DAPK2: variants seen among roughly 807,000 people sequenced by gnomAD.
DAPK2 encodes the protein death associated protein kinase 2.
Under a neutral mutation model 44.1 loss-of-function variants are expected in DAPK2, and 35 were observed. The ratio of observed to expected loss-of-function variants is 0.79; its 90% CI spans 0.61 to 1.05. The LOEUF (loss-of-function observed/expected upper bound fraction) is 1.05. DAPK2 is among the 50% of genes least tolerant of loss of function. DAPK2 has a pLI of 0.00. For synonymous variants in DAPK2, 174 were observed against 182.6 expected (o/e 0.95, Z 0.38); for missense variants, 453 against 483.2 (o/e 0.94, Z 0.59).
Position 63,923,444 on chromosome 15 carries a change from T to C in DAPK2, c.858+1372A>G. Reference sequence around the variant, plus strand: ...GAAGGCACACAAGCGGCCTCTGGCATTCACTGCATGCGTCAGGCCATGGGG... The same window carrying C: ...GAAGGCACACAAGCGGCCTCTGGCACTCACTGCATGCGTCAGGCCATGGGG... On this transcript the variant is annotated intron_variant, in intron 8 of 10. Transcript: ENST00000261891. This position sits in a 1 kb window ranked among gnomAD's most constrained non-coding sequence, Gnocchi z 4.2. The C allele has an allele frequency of 6.8e-7, 1 of 1,469,270 alleles. No individual in the cohort carries two copies. 91.0% of individuals were successfully genotyped at this position (1,469,270 alleles called of 1,614,324 possible).
At chr15:64,012,001 C>A (rs2079401344) in intron 1 of DAPK2, among the ~76,000 whole-genome samples, 1 of 152,182 alleles carries the variant, frequency 6.6e-6, no homozygotes, top group Non-Finnish European at 1.5e-5. Context: ...TCCAGCCCCC[C>A]AGCCTTGATC....
At chr15:63,924,459 A>G (rs2079180764) in intron 8 of DAPK2, 1 of 185,376 alleles carries the variant, frequency 5.4e-6, no homozygotes. Context: ...ATTGTCATCT[A>G]TCTTTCTACA....
exon 2 of DAPK2, chr15:63,983,610 C>A: frequency 4.3e-6 from 7 of 1,614,190 alleles, no homozygotes; most frequent in Non-Finnish European, 5.9e-6. Flanking sequence ...GCAGCACCTG[C>A]CGCAGGATGC....
upstream of DAPK2, among the ~76,000 whole-genome samples, chr15:64,043,820 C>T (rs1456613369): frequency 2.0e-5 from 3 of 152,194 alleles, no homozygotes; most frequent in Non-Finnish European, 2.9e-5. Context: ...TGACTTGGAG[C>T]CCCATAAGGG....
intron 8 of DAPK2, among the ~76,000 whole-genome samples, chr15:63,914,722 T>C (rs1481242318): frequency 1.3e-5 from 2 of 152,204 alleles, no homozygotes; most frequent in Admixed American, 1.3e-4. Flanking sequence ...ACAGGTCCAC[T>C]TGCTGGTCTG....
In DAPK2 at chr15:63,909,025, CCTT is replaced by C. The variant is rs377681631; in HGVS notation, c.1033-428_1033-426del. The C allele has an allele frequency of 3.7e-3, 570 of 153,056 alleles. 3 individuals are homozygous for C. Among genetic ancestry groups the C allele is most frequent in the Non-Finnish European group, 6.9e-3 (470 of 68,590 alleles). The allele number at this position is 153,056 out of a possible 1,614,324, so 9.5% of individuals were successfully genotyped here. On this transcript the variant is annotated intron_variant, in intron 10 of 10. Transcript: ENST00000261891. Reference sequence around the variant, plus strand: ...TGCTTGACAGCCACCATCCCATGCCCCTTCTTCTTTGATGGGCTGCACCTTCAG... The same window carrying C: ...TGCTTGACAGCCACCATCCCATGCCCCTTCTTTGATGGGCTGCACCTTCAG...
chr15:63,950,069 C>T (rs2077547505), intron 3 of DAPK2, among the ~76,000 whole-genome samples: 1 of 152,208 alleles, frequency 6.6e-6, no homozygotes, highest in African/African-American at 2.4e-5. Flanking sequence ...TCGATTTCTA[C>T]CAAGTCTTAC....
At position 63,929,397 on chromosome 15, in the gene DAPK2, C is replaced by T. The variant is rs551279581; in HGVS notation, c.659+154G>A. 1.8e-4 allele frequency: 161 copies of T among 914,558 alleles called. No homozygotes were observed. In the Middle Eastern group the frequency reaches 1.8e-3, roughly 10 times the overall value. The allele number at this position is 914,558 out of a possible 1,614,324, so 56.7% of individuals were successfully genotyped here. On this transcript the variant is annotated intron_variant, in intron 6 of 10. Transcript: ENST00000261891. ...GGGTCAGATGGATGAAATGGACCTACAGCACTTAGCCTCAGGCTTGCTGTG... is the reference window on the plus strand; with the variant it reads ...GGGTCAGATGGATGAAATGGACCTATAGCACTTAGCCTCAGGCTTGCTGTG...
upstream of DAPK2, among the ~76,000 whole-genome samples, chr15:64,041,092 G>A (rs2080343065): frequency 6.6e-6 from 1 of 152,130 alleles, no homozygotes; most frequent in South Asian, 2.1e-4. Flanking sequence ...TAAAAGGTAA[G>A]GGATTATCAT....
chr15:63,994,439 AAGGAAGGAAGGAAGGAAGGAAGG>A (rs2078896237), intron 1 of DAPK2, among the ~76,000 whole-genome samples: 1 of 150,256 alleles, frequency 6.7e-6, no homozygotes, highest in East Asian at 1.9e-4. Context: ...GGAAGGAAGG[AAGGAAGGAAGGAAGGAAGGAAGG>A]AAGGAAACGC....
intron 3 of DAPK2, among the ~76,000 whole-genome samples, chr15:63,963,747 G>A (rs550158154): frequency 1.3e-5 from 2 of 152,082 alleles, no homozygotes; most frequent in African/African-American, 2.4e-5. Context: ...GTTACCATGA[G>A]GCTTGCAAAC....
At chr15:63,958,412 T>C (rs2077788953) in intron 3 of DAPK2, among the ~76,000 whole-genome samples, 1 of 152,226 alleles carries the variant, frequency 6.6e-6, no homozygotes, top group African/African-American at 2.4e-5. Flanking sequence ...GGTGTTTTAG[T>C]CATGAAGTCT....
chr15:63,919,259 G>A (rs2079009011), intron 8 of DAPK2: 1 of 152,192 alleles, frequency 6.6e-6, no homozygotes, highest in African/African-American at 2.4e-5. Context: ...ACGTCTAAGT[G>A]AGAAACAGTT....
chr15:63,999,463 C>G (rs1024154794), intron 1 of DAPK2, among the ~76,000 whole-genome samples: 1 of 152,196 alleles, frequency 6.6e-6, no homozygotes, highest in Non-Finnish European at 1.5e-5. Context: ...TGCCCAAGGT[C>G]ACAAAGCAGT....
rs28722510 is a variant in DAPK2, at chr15:64,024,079, T to C, written c.92+16091A>G. Reference sequence around the variant, plus strand: ...CCTAGGCTGGGGTCCTGGAAGACCCTGGTATCATGGCAGAGGTCAGAAGTC... The same window carrying C: ...CCTAGGCTGGGGTCCTGGAAGACCCCGGTATCATGGCAGAGGTCAGAAGTC... On this transcript the variant is annotated intron_variant, in intron 1 of 10. Transcript: ENST00000261891. Among the ~76,000 whole-genome samples the C allele has an allele frequency of 4.5e-3, 691 of 152,294 alleles. 7 individuals carry two copies. The highest frequency in any genetic ancestry group is 0.016 in the African/African-American group (650 of 41,560).
intron 1 of DAPK2, among the ~76,000 whole-genome samples, chr15:64,038,554 C>A (rs1332409912): frequency 1.3e-5 from 2 of 152,144 alleles, no homozygotes; most frequent in Non-Finnish European, 2.9e-5. Context: ...GGGGTCTCTG[C>A]AGTTATTTGC....
At position 64,013,716 on chromosome 15, in the gene DAPK2, C is replaced by T. The variant is rs1378022746; in HGVS notation, c.92+26454G>A. On this transcript the variant is annotated intron_variant, in intron 1 of 10. Transcript: ENST00000261891. The surrounding 1 kb of genome is among the most constrained non-coding windows in gnomAD (Gnocchi z 4.7). ...AACAGAGTTATAGGTTTCCTGGCAG[C>T]GGTGACTGAGAAAGCAAGCTGGATT... is the stretch of plus-strand genomic sequence containing the variant. Among the ~76,000 whole-genome samples the T allele has an allele frequency of 2.0e-5, 3 of 152,148 alleles. No homozygotes were observed. The highest frequency in any genetic ancestry group is 7.2e-5 in the African/African-American group (3 of 41,420).
At chr15:63,927,332 G>A (rs1308511248) in intron 6 of DAPK2, among the ~76,000 whole-genome samples, 1 of 152,132 alleles carries the variant, frequency 6.6e-6, no homozygotes, top group Non-Finnish European at 1.5e-5. Context: ...CCACACTTAA[G>A]GTTTACCGTT....
rs1314879276 is a variant in DAPK2 at position 64,003,010 on chromosome 15, G to GTGTGTGTGTGTGTGTGTGTGTGTT, written c.93-19257_93-19256insAACACACACACACACACACACACA. 3.5e-4 allele frequency among the ~76,000 whole-genome samples: 49 copies of GTGTGTGTGTGTGTGTGTGTGTGTT among 140,558 alleles called. 2 individuals are homozygous for GTGTGTGTGTGTGTGTGTGTGTGTT. The South Asian group carries it at 3.8e-3, about 11-fold the overall frequency. 92.2% of individuals were successfully genotyped at this position (140,558 alleles called of 152,430 possible). The stretch of plus-strand genomic sequence containing the variant: ...TGTGTGTGTGTGTGTGTGTGTGTGT[G>GTGTGTGTGTGTGTGTGTGTGTGTT]TGTGTCGTGGGACCAGAGGTGGTGG... On this transcript the variant is annotated intron_variant, in intron 1 of 10. Coordinates refer to ENST00000261891, the Ensembl canonical transcript of DAPK2.
Sources: gnomAD v4.1 joint callset for allele counts (sites outside exome capture counted in the v4.1 genomes callset) on GRCh38, gnomAD v4.1.1 for gene constraint, Gnocchi (gnomAD v3.1) non-coding constraint, MANE v1.5 for transcripts, NCBI Gene and HGNC (gene_info 2026-07-23, HGNC 2026-07-21) for gene names.